The following PTPN14 variants were observed in gnomAD, a reference collection of about 807,000 sequenced individuals.
PTPN14 encodes the protein tyrosine-protein phosphatase non-receptor type 14.
In PTPN14, 53 loss-of-function variants were observed where a neutral mutation model predicts 126.8. The observed-to-expected ratio is 0.42, with a 90% confidence interval of 0.34 to 0.53. The LOEUF (loss-of-function observed/expected upper bound fraction) is 0.53, where lower values mean the gene tolerates loss of function less well. Among genes scored for constraint, PTPN14 ranks in the 20% least tolerant of loss-of-function variants. The pLI is 0.08. For synonymous variants in PTPN14, 630 were observed against 599.3 expected (o/e 1.05, Z -0.75); for missense variants, 1,257 against 1,552.9 (o/e 0.81, Z 3.20).
At position 214,394,973 on chromosome 1, in the gene PTPN14, C is replaced by A; in HGVS notation, c.772G>T (p.Gly258Trp). 6.2e-7 allele frequency: 1 copy of A among 1,611,954 alleles called. No homozygotes were observed. Among genetic ancestry groups the A allele is most frequent in the Non-Finnish European group, 8.5e-7 (1 of 1,178,110 alleles). The change falls in exon 9 of 19, where the codon GGG (glycine) becomes TGG (tryptophan). Residue 258 changes from glycine (G) to tryptophan (W), a missense_variant. Gly to Trp is a radical substitution (Grantham distance 184). Around this residue, in one of 3 missense-constraint regions of PTPN14, gnomAD observed 1,021 missense variants for 1,183.3 expected, o/e 0.86. Transcript: ENST00000366956. ...QAVIYRWNDM[G>W]NITHNKSTIL... ...GTCGACTTGTTATGAGTGATATTCC[C>A]CATGTCATTCCACCTGGTTAGAAGA... is the stretch of plus-strand genomic sequence containing the variant.
intron 3 of PTPN14, among the ~76,000 whole-genome samples, chr1:214,434,224 G>T (rs539347505): frequency 5.3e-5 from 8 of 152,238 alleles, no homozygotes; most frequent in African/African-American, 1.9e-4. Flanking sequence ...GAAGGACAGG[G>T]TTCCAGTAAA....
At chr1:214,526,463 A>G (rs1451296315) in intron 1 of PTPN14, among the ~76,000 whole-genome samples, 2 of 152,180 alleles carry the variant, frequency 1.3e-5, no homozygotes, top group Non-Finnish European at 2.9e-5. Flanking sequence ...AATAAAATAT[A>G]CACTCCAAGG....
intron 1 of PTPN14, among the ~76,000 whole-genome samples, chr1:214,479,609 G>T (rs1477159757): frequency 2.0e-5 from 3 of 151,920 alleles, no homozygotes; most frequent in Non-Finnish European, 4.4e-5. Flanking sequence ...AAATTGCTGA[G>T]ATTACAGGCG....
chr1:214,363,907 T>C (rs1229576763), intron 18 of PTPN14, among the ~76,000 whole-genome samples: 1 of 152,214 alleles, frequency 6.6e-6, no homozygotes, highest in Non-Finnish European at 1.5e-5. Context: ...GCACCTTGTG[T>C]GCACAGGCTC....
At chr1:214,414,041 T>C (rs1659369225) in intron 4 of PTPN14, among the ~76,000 whole-genome samples, 1 of 152,168 alleles carries the variant, frequency 6.6e-6, no homozygotes, top group African/African-American at 2.4e-5. Context: ...CAATAAACCA[T>C]AATGTATAAA....
At chr1:214,433,535 T>C (rs1310987796) in intron 3 of PTPN14, among the ~76,000 whole-genome samples, 1 of 152,074 alleles carries the variant, frequency 6.6e-6, no homozygotes, top group Non-Finnish European at 1.5e-5. Flanking sequence ...CAAGGATTGA[T>C]TGAGCCAGAG....
intron 1 of PTPN14, among the ~76,000 whole-genome samples, chr1:214,522,270 G>A (rs7516009): frequency 0.05 from 7,538 of 152,110 alleles, 593 homozygotes; most frequent in African/African-American, 0.17. Flanking sequence ...CCACAACTAT[G>A]AGAGATTTCA....
chr1:214,492,816 G>A (rs778506442), intron 1 of PTPN14, among the ~76,000 whole-genome samples: 16 of 151,310 alleles, frequency 1.1e-4, no homozygotes, highest in Non-Finnish European at 1.9e-4. Flanking sequence ...GCTGAGGCAC[G>A]AGAATTGCAA....
chr1:214,469,040 G>T (rs1660699315), intron 1 of PTPN14, among the ~76,000 whole-genome samples: 1 of 152,036 alleles, frequency 6.6e-6, no homozygotes, highest in South Asian at 2.1e-4. Context: ...CCCAGAATTT[G>T]CACAGCCACA....
intron 1 of PTPN14, among the ~76,000 whole-genome samples, chr1:214,544,976 C>G (rs565200957): frequency 6.6e-6 from 1 of 152,012 alleles, no homozygotes; most frequent in Admixed American, 6.5e-5. Context: ...AGAGGTTAAG[C>G]AGGCAGGAAG....
At chr1:214,367,596 C>T (rs1658112273) in intron 17 of PTPN14, among the ~76,000 whole-genome samples, 1 of 152,106 alleles carries the variant, frequency 6.6e-6, no homozygotes, top group Admixed American at 6.5e-5. Context: ...CCATGGTGGT[C>T]ACAGGTCTTC....
At chr1:214,513,264 AC>A (rs1655020169) in intron 1 of PTPN14, among the ~76,000 whole-genome samples, 1 of 152,144 alleles carries the variant, frequency 6.6e-6, no homozygotes, top group Admixed American at 6.5e-5. Context: ...TGTACTTAGT[AC>A]CTACTATGTG....
chr1:214,497,799 TA>T (rs576619666), intron 1 of PTPN14, among the ~76,000 whole-genome samples: 5 of 152,108 alleles, frequency 3.3e-5, no homozygotes, highest in Non-Finnish European at 7.3e-5. Context: ...TATACATGCA[TA>T]GGAAAAGTTC....
chr1:214,499,902 AG>A (rs1654639307), intron 1 of PTPN14, among the ~76,000 whole-genome samples: 1 of 152,030 alleles, frequency 6.6e-6, no homozygotes, highest in African/African-American at 2.4e-5. Flanking sequence ...CATTTCCTAC[AG>A]GAACTCTTAC....
chr1:214,440,795 G>C (rs1660021853), intron 3 of PTPN14, among the ~76,000 whole-genome samples: 1 of 152,238 alleles, frequency 6.6e-6, no homozygotes, highest in Non-Finnish European at 1.5e-5. Flanking sequence ...TCACAAGAAT[G>C]TGTAAATGCT....
intron 3 of PTPN14, among the ~76,000 whole-genome samples, chr1:214,450,884 T>G (rs1217873355): frequency 6.6e-6 from 1 of 152,150 alleles, no homozygotes; most frequent in African/African-American, 2.4e-5. Context: ...AAAACATCAT[T>G]TCAAAGGCAG....
Position 214,364,646 on chromosome 1 carries a change from G to A in PTPN14, c.3301C>T (p.Arg1101Cys), listed in dbSNP as rs140946472. The A allele has an allele frequency of 1.2e-6, 2 of 1,613,796 alleles. No homozygotes were observed. The highest frequency in any genetic ancestry group is 8.5e-7 in the Non-Finnish European group (1 of 1,179,980). The stretch of plus-strand genomic sequence containing the variant: ...CCTTCCAGCATGCTGTTGGTATGGC[G>A]ACGGACCGACTGGATCTCCTCCAAG... ...SYLEEIQSVR[R>C]HTNSMLEGTK... is the part of the protein sequence containing the mutation. Residue 1101 changes from arginine to cysteine, a missense_variant, in exon 18 of 19, where the codon CGC becomes TGC. Physicochemically the swap from Arg to Cys is radical, Grantham distance 180. Coordinates refer to ENST00000366956, the MANE Select transcript of PTPN14 (RefSeq NM_005401.5). This position sits in a 1 kb window ranked among gnomAD's most constrained non-coding sequence, Gnocchi z 4.1.
intron 3 of PTPN14, among the ~76,000 whole-genome samples, chr1:214,451,105 T>C (rs1263856637): frequency 4.6e-5 from 7 of 152,192 alleles, no homozygotes; most frequent in African/African-American, 1.4e-4. Flanking sequence ...TGTTTGGGGA[T>C]ATTTTTAGGA....
chr1:214,439,347 T>G (rs1000447108), intron 3 of PTPN14, among the ~76,000 whole-genome samples: 1 of 152,242 alleles, frequency 6.6e-6, no homozygotes, highest in Middle Eastern at 3.2e-3. Flanking sequence ...CATTAGTCAC[T>G]GTCATAAACA....
Sources: allele counts gnomAD v4.1 joint callset (sites outside exome capture counted in the v4.1 genomes callset), GRCh38; gene constraint gnomAD v4.1.1; regional missense constraint gnomAD v4.1.1; non-coding constraint Gnocchi (gnomAD v3.1); transcripts MANE v1.5; gene names NCBI Gene and HGNC (gene_info 2026-07-23, HGNC 2026-07-21).